Variants in TTC17 observed in about 807,000 individuals in gnomAD.
TTC17 encodes the protein tetratricopeptide repeat protein 17.
In TTC17, 58 loss-of-function variants were observed where a neutral mutation model predicts 143.8. That is an observed-to-expected ratio of 0.40 (90% CI 0.33 to 0.50). The LOEUF (loss-of-function observed/expected upper bound fraction) is 0.50. TTC17 is among the 20% of genes least tolerant of loss of function. The probability of loss-of-function intolerance (pLI) is 0.49; values close to 1 mark genes in which losing one functional copy is unlikely to be tolerated. For missense variants in TTC17, 1,273 were observed against 1,392.5 expected (o/e 0.91, Z 1.37); for synonymous variants, 501 against 497.8 (o/e 1.01, Z -0.09).
At chr11:43,402,514 G>T (rs1857910633) in intron 10 of TTC17, among the ~76,000 whole-genome samples, 1 of 151,720 alleles carries the variant, frequency 6.6e-6, no homozygotes, top group Admixed American at 6.6e-5. Context: ...ATACCAGATA[G>T]TATATAATAG....
intron 13 of TTC17, 27 bp from the exon 14 acceptor site, chr11:43,407,111 G>A: frequency 1.4e-6 from 2 of 1,470,920 alleles, no homozygotes; most frequent in Admixed American, 4.3e-5. Flanking sequence ...ATTTTCAATT[G>A]AGTCAGTCTT....
Position 43,494,013 on chromosome 11 carries a change from C to G in TTC17, c.*109C>G. 1 of 1,382,462 alleles carries G rather than the reference C, an allele frequency of 7.2e-7. No homozygotes were observed. The highest frequency in any genetic ancestry group is 9.6e-7 in the Non-Finnish European group (1 of 1,041,446). 85.6% of individuals were successfully genotyped at this position (1,382,462 alleles called of 1,614,324 possible). On this transcript the variant is annotated 3_prime_UTR_variant, in exon 24 of 24. Transcript: ENST00000039989. The stretch of plus-strand genomic sequence containing the variant: ...CTATTAATGATGTGTGTGAAAATAA[C>G]TAAGACTTATAACAGGACTTTTACA...
Position 43,451,261 on chromosome 11 carries a change from A to G in TTC17, c.3026A>G (p.Glu1009Gly), listed in dbSNP as rs1050388743. 4 of 1,613,190 alleles carry G rather than the reference A, an allele frequency of 2.5e-6. No individual in the cohort carries two copies. In the African/African-American group the frequency reaches 5.3e-5, roughly 22 times the overall value. ...GGCACCCGAATTGCCAAAGTTTTGG[A>G]AAAGGTAAGTCACCCCACAGAAAAG... ...QIGTRIAKVL[E>G]KNQTSWVLSS... The change falls in exon 21 of 24, where the codon GAA becomes GGA. Residue 1009 changes from glutamate (E) to glycine (G), a missense_variant. Coordinates refer to ENST00000039989, the MANE Select transcript of TTC17 (RefSeq NM_018259.6).
intron 11 of TTC17, among the ~76,000 whole-genome samples, chr11:43,404,863 T>C (rs1380661098): frequency 2.0e-5 from 3 of 152,154 alleles, no homozygotes; most frequent in African/African-American, 7.2e-5. Flanking sequence ...ATAAAACAAT[T>C]GTTAAACTTT....
At chr11:43,411,398 A>G (rs1191071654) in intron 15 of TTC17, among the ~76,000 whole-genome samples, 1 of 152,014 alleles carries the variant, frequency 6.6e-6, no homozygotes, top group Middle Eastern at 3.4e-3. Context: ...TCCCTCTCAT[A>G]CTACTCTGTT....
chr11:43,493,011 T>C (rs1457869326), intron 23 of TTC17, among the ~76,000 whole-genome samples: 1 of 152,240 alleles, frequency 6.6e-6, no homozygotes, highest in Non-Finnish European at 1.5e-5. Flanking sequence ...AGGCGAGAAG[T>C]ATTTTGCCAG....
intron 21 of TTC17, among the ~76,000 whole-genome samples, chr11:43,464,078 C>G (rs994370484): frequency 6.6e-6 from 1 of 152,008 alleles, no homozygotes; most frequent in African/African-American, 2.4e-5. Flanking sequence ...GAGTTCAAGA[C>G]CAGCCTGGCC....
At chr11:43,427,839 C>G (rs1017968625) in intron 16 of TTC17, among the ~76,000 whole-genome samples, 2 of 152,116 alleles carry the variant, frequency 1.3e-5, no homozygotes, top group Non-Finnish European at 2.9e-5. Context: ...ATTCCATACC[C>G]TCCCCCCAAC....
intron 22 of TTC17, 55 bp downstream of exon 22, chr11:43,490,413 A>G (rs1948453753): frequency 1.3e-6 from 2 of 1,539,892 alleles, no homozygotes; most frequent in Non-Finnish European, 1.8e-6. Context: ...TCCATTCCCC[A>G]TGGTTTATTC....
At chr11:43,481,940 G>T (rs1222049254) in intron 21 of TTC17, among the ~76,000 whole-genome samples, 1 of 152,116 alleles carries the variant, frequency 6.6e-6, no homozygotes, top group African/African-American at 2.4e-5. Context: ...CTTCTGAGTA[G>T]CTGGGGTTAC....
At chr11:43,400,161 T>TC in intron 9 of TTC17, 113 bp downstream of exon 9, 3 of 1,173,734 alleles carry the variant, frequency 2.6e-6, no homozygotes, top group Non-Finnish European at 3.5e-6. Flanking sequence ...GTTTATGACT[T>TC]CCCTACATCT....
At chr11:43,461,055 A>G (rs1296531986) in intron 21 of TTC17, among the ~76,000 whole-genome samples, 1 of 152,256 alleles carries the variant, frequency 6.6e-6, no homozygotes, top group Non-Finnish European at 1.5e-5. Context: ...CACAGTTGCA[A>G]CAATGAGACT....
At chr11:43,406,181 C>G (rs1056131832) in intron 13 of TTC17, among the ~76,000 whole-genome samples, 2 of 152,172 alleles carry the variant, frequency 1.3e-5, no homozygotes, top group African/African-American at 4.8e-5. Flanking sequence ...CACTATTCCT[C>G]TAACGCAGAG....
At chr11:43,359,345 C>T in intron 1 of TTC17, 1 of 491,750 alleles carries the variant, frequency 2.0e-6, no homozygotes, top group Non-Finnish European at 3.4e-6. Context: ...TTCCACCTCG[C>T]GGGCCGCGCG....
intron 16 of TTC17, among the ~76,000 whole-genome samples, chr11:43,435,678 C>T (rs1947276497): frequency 6.6e-6 from 1 of 152,202 alleles, no homozygotes; most frequent in East Asian, 1.9e-4. Context: ...CCATCATCCC[C>T]CTTTAATTCT....
chr11:43,428,645 A>G (rs1347517709), intron 16 of TTC17, among the ~76,000 whole-genome samples: 1 of 152,240 alleles, frequency 6.6e-6, no homozygotes, highest in African/African-American at 2.4e-5. Flanking sequence ...TATGGGATGC[A>G]GGGGCATATA....
chr11:43,370,279 G>A, intron 1 of TTC17: 1 of 290,776 alleles, frequency 3.4e-6, no homozygotes, highest in Non-Finnish European at 6.9e-6. Flanking sequence ...CATCTTGCTT[G>A]CTACCATAGT....
rs58023388 is a variant in TTC17 at position 43,443,094 on chromosome 11, C to T, written c.2252-231C>T. On this transcript the variant is annotated intron_variant, in intron 16 of 23. Coordinates refer to ENST00000039989, the MANE Select transcript of TTC17 (RefSeq NM_018259.6). ...CGCTAATAACAGAATCTCTGACTGCCTGCTCTCTAGCTGCCACTGTTCTCA... is the reference window on the plus strand; with the variant it reads ...CGCTAATAACAGAATCTCTGACTGCTTGCTCTCTAGCTGCCACTGTTCTCA... Among the ~76,000 whole-genome samples the T allele has an allele frequency of 1.9e-3, 290 of 152,286 alleles. 2 individuals carry two copies. The highest frequency in any genetic ancestry group is 6.7e-3 in the African/African-American group (279 of 41,552).
At chr11:43,464,850 G>A (rs1249034544) in intron 21 of TTC17, among the ~76,000 whole-genome samples, 1 of 152,182 alleles carries the variant, frequency 6.6e-6, no homozygotes, top group Non-Finnish European at 1.5e-5. Flanking sequence ...TACTAGAAAG[G>A]CTAAGGTCCT....
Sources: gnomAD v4.1 joint callset for allele counts (sites outside exome capture counted in the v4.1 genomes callset) on GRCh38, gnomAD v4.1.1 for gene constraint, MANE v1.5 for transcripts, NCBI Gene and HGNC (gene_info 2026-07-23, HGNC 2026-07-21) for gene names.